The following SWT1 variants were observed in gnomAD, a reference collection of about 807,000 sequenced individuals.
SWT1 encodes the protein SWT1 RNA endoribonuclease homolog, also known as transcriptional protein SWT1.
In SWT1, 33 loss-of-function variants were observed where a neutral mutation model predicts 107.3. That is an observed-to-expected ratio of 0.31 (90% CI 0.23 to 0.41). The LOEUF is 0.41. Among genes scored for constraint, SWT1 ranks in the 10% least tolerant of loss-of-function variants. The pLI is 1.00. For synonymous variants in SWT1, 345 were observed against 348.3 expected (o/e 0.99, Z 0.11); for missense variants, 898 against 1,028.9 (o/e 0.87, Z 1.74).
intron 16 of SWT1, among the ~76,000 whole-genome samples, chr1:185,258,551 T>G (rs1484927596): frequency 6.6e-6 from 1 of 152,178 alleles, no homozygotes; most frequent in Admixed American, 6.5e-5. Context: ...CGTGTTTTTA[T>G]TTTGCTTTCA....
intron 16 of SWT1, among the ~76,000 whole-genome samples, chr1:185,237,663 A>G (rs1390772744): frequency 1.3e-5 from 2 of 152,056 alleles, no homozygotes; most frequent in African/African-American, 2.4e-5. Context: ...AAACCTGCCC[A>G]TTCTGCACAT....
intron 16 of SWT1, among the ~76,000 whole-genome samples, chr1:185,245,533 T>C (rs1454281425): frequency 6.6e-6 from 1 of 152,166 alleles, no homozygotes; most frequent in Non-Finnish European, 1.5e-5. Flanking sequence ...AGAGTAAATA[T>C]AGTAAATACA....
At chr1:185,289,395 T>C (rs3766713) in intron 18 of SWT1, among the ~76,000 whole-genome samples, 6,078 of 152,310 alleles carry the variant, frequency 0.04, 300 homozygotes, top group African/African-American at 0.098. Context: ...ATGGGCTTGG[T>C]TGAACAATCT....
At chr1:185,239,321 A>G (rs115559629) in intron 16 of SWT1, among the ~76,000 whole-genome samples, 12 of 152,240 alleles carry the variant, frequency 7.9e-5, no homozygotes, top group African/African-American at 2.9e-4. Context: ...CTATGTTTAC[A>G]TGCGCTAATC....
intron 5 of SWT1, among the ~76,000 whole-genome samples, chr1:185,180,053 G>T (rs1470360206): frequency 6.6e-6 from 1 of 152,182 alleles, no homozygotes; most frequent in African/African-American, 2.4e-5. Context: ...GGGTGTGTTG[G>T]TGTGCCTGTG....
intron 15 of SWT1, among the ~76,000 whole-genome samples, chr1:185,222,704 G>A (rs1004851044): frequency 1.3e-5 from 2 of 149,020 alleles, no homozygotes; most frequent in Admixed American, 6.8e-5. Context: ...GGTGGAGGTT[G>A]CGGTGAACTG....
At chr1:185,218,573 A>G (rs1300451355) in intron 14 of SWT1, among the ~76,000 whole-genome samples, 1 of 152,156 alleles carries the variant, frequency 6.6e-6, no homozygotes, top group East Asian at 1.9e-4. Flanking sequence ...AGCCTCCTAA[A>G]GTGCTAGGAT....
intron 17 of SWT1, among the ~76,000 whole-genome samples, chr1:185,274,268 T>C (rs1234421422): frequency 6.7e-6 from 1 of 148,358 alleles, no homozygotes; most frequent in Non-Finnish European, 1.5e-5. Context: ...ATGTCAGATA[T>C]ATGTAATATA....
chr1:185,162,863 A>T (rs1654266171), intron 2 of SWT1, among the ~76,000 whole-genome samples: 1 of 151,648 alleles, frequency 6.6e-6, no homozygotes, highest in African/African-American at 2.4e-5. Flanking sequence ...AGGCGGGAGG[A>T]TCCCTTGAGC....
intron 16 of SWT1, among the ~76,000 whole-genome samples, chr1:185,238,567 A>G (rs1397777507): frequency 1.3e-5 from 2 of 152,154 alleles, no homozygotes; most frequent in African/African-American, 4.8e-5. Flanking sequence ...GCAGGTGGTG[A>G]GAGATCACAT....
chr1:185,197,747 G>T (rs1229308957), intron 10 of SWT1, among the ~76,000 whole-genome samples: 1 of 152,252 alleles, frequency 6.6e-6, no homozygotes, highest in East Asian at 1.9e-4. Flanking sequence ...TTTGCATAAA[G>T]GTGTTTATAG....
At chr1:185,237,796 T>A (rs1245338588) in intron 16 of SWT1, among the ~76,000 whole-genome samples, 1 of 152,142 alleles carries the variant, frequency 6.6e-6, no homozygotes, top group Non-Finnish European at 1.5e-5. Flanking sequence ...TTCTACAGAC[T>A]CCCCAACTGA....
chr1:185,277,329 G>A (rs1664309765), intron 18 of SWT1, among the ~76,000 whole-genome samples: 1 of 151,716 alleles, frequency 6.6e-6, no homozygotes, highest in Admixed American at 6.6e-5. Context: ...TGTCGCAAAT[G>A]GTGCGACAAT....
rs1371514699 is a variant in SWT1 at position 185,214,583 on chromosome 1, A to G, written c.2049A>G (p.Thr683=). ...DSRSLLHAFS[T]RSNYDGILPQ... ...GAAGTTTGTTACATGCTTTCAGTAC[A>G]AGGTCAAATTATGATGGTATTCTTC... Residue 683 remains threonine (T), a synonymous_variant, in exon 14 of 19, where the codon ACA becomes ACG. Coordinates refer to ENST00000367500, the MANE Select transcript of SWT1 (RefSeq NM_017673.7). The G allele has an allele frequency of 6.2e-7, 1 of 1,612,578 alleles. No individual in the cohort carries two copies.
intron 1 of SWT1, among the ~76,000 whole-genome samples, chr1:185,157,960 C>A (rs1653772862): frequency 6.6e-6 from 1 of 152,130 alleles, no homozygotes; most frequent in South Asian, 2.1e-4. Context: ...TTCTGTCCCC[C>A]CGCGATAAAT....
intron 16 of SWT1, among the ~76,000 whole-genome samples, chr1:185,244,861 G>C (rs1016398343): frequency 1.3e-5 from 2 of 152,138 alleles, no homozygotes; most frequent in Non-Finnish European, 2.9e-5. Context: ...CAGGGGGTTT[G>C]CTTGAAGCCC....
rs563721568 is a variant in SWT1 at position 185,257,030 on chromosome 1, A to G, written c.2442-14293A>G. 4.7e-3 allele frequency among the ~76,000 whole-genome samples: 714 copies of G among 151,726 alleles called. 2 individuals are homozygous for G. Among genetic ancestry groups the G allele is most frequent in the Non-Finnish European group, 7.3e-3 (493 of 67,742 alleles). ...GACCCTCAGCTTCAGGTGTGTTGGA[A>G]TACCCTGCCGTGTGAGGTGTCAGTG... On this transcript the variant is annotated intron_variant, in intron 16 of 18. Transcript: ENST00000367500.
chr1:185,173,423 G>C (rs1655258316), intron 4 of SWT1, among the ~76,000 whole-genome samples: 1 of 151,644 alleles, frequency 6.6e-6, no homozygotes, highest in South Asian at 2.1e-4. Flanking sequence ...GTTGGGCGTA[G>C]TGGCTCATGC....
At chr1:185,159,979 C>T (rs892810096) in intron 1 of SWT1, among the ~76,000 whole-genome samples, 5 of 152,230 alleles carry the variant, frequency 3.3e-5, no homozygotes, top group Non-Finnish European at 4.4e-5. Flanking sequence ...CTGTCTCGGC[C>T]TCCCAAAGTA....
Sources: allele counts gnomAD v4.1 joint callset (sites outside exome capture counted in the v4.1 genomes callset), GRCh38; gene constraint gnomAD v4.1.1; transcripts MANE v1.5; gene names NCBI Gene and HGNC (gene_info 2026-07-23, HGNC 2026-07-21).